The following DENND1A variants were observed in gnomAD, a reference collection of about 807,000 sequenced individuals.
DENND1A encodes the protein DENN domain-containing protein 1A.
In DENND1A, 51 loss-of-function variants were observed where a neutral mutation model predicts 113.7. That is an observed-to-expected ratio of 0.45 (90% CI 0.36 to 0.57). DENND1A has a LOEUF of 0.57. Ranked by LOEUF, DENND1A falls within the 20% of genes least tolerant of loss-of-function variation. The probability of loss-of-function intolerance (pLI) is 0.00; values close to 1 mark genes in which losing one functional copy is unlikely to be tolerated. For synonymous variants in DENND1A, 565 were observed against 570.8 expected (o/e 0.99, Z 0.14); for missense variants, 1,258 against 1,395.9 (o/e 0.90, Z 1.57).
chr9:123,470,253 T>C (rs905656644), intron 13 of DENND1A, among the ~76,000 whole-genome samples: 3 of 152,100 alleles, frequency 2.0e-5, no homozygotes, highest in Non-Finnish European at 4.4e-5. Flanking sequence ...AGTGAGACGG[T>C]GACGACCCCT....
At chr9:123,407,903 G>A (rs1307616205) in intron 20 of DENND1A, among the ~76,000 whole-genome samples, 1 of 152,216 alleles carries the variant, frequency 6.6e-6, no homozygotes, top group Non-Finnish European at 1.5e-5. Context: ...TTCACACGCA[G>A]GCCGACGGCA....
intron 5 of DENND1A, among the ~76,000 whole-genome samples, chr9:123,722,423 C>T (rs765742890): frequency 2.0e-5 from 3 of 152,168 alleles, no homozygotes; most frequent in Admixed American, 1.3e-4. Context: ...TTTGCATAAA[C>T]GAGGAGCTGA....
chr9:123,612,428 C>G (rs1357598634), intron 10 of DENND1A, among the ~76,000 whole-genome samples: 2 of 152,158 alleles, frequency 1.3e-5, no homozygotes, highest in African/African-American at 4.8e-5. Context: ...AAACACCTAC[C>G]CATGATTATA....
chr9:123,497,850 A>G (rs2052083192), intron 13 of DENND1A, among the ~76,000 whole-genome samples: 1 of 150,362 alleles, frequency 6.7e-6, no homozygotes, highest in Non-Finnish European at 1.5e-5. Flanking sequence ...CTATCATTCT[A>G]CTCCTCAAGT....
intron 1 of DENND1A, among the ~76,000 whole-genome samples, chr9:123,913,795 C>T (rs1310436140): frequency 1.3e-5 from 2 of 151,244 alleles, no homozygotes; most frequent in Non-Finnish European, 2.9e-5. Context: ...ATCCCAGCTA[C>T]TCGGGAGGCT....
chr9:123,509,431 G>T (rs1383414291), intron 13 of DENND1A, among the ~76,000 whole-genome samples: 1 of 152,180 alleles, frequency 6.6e-6, no homozygotes, highest in Admixed American at 6.5e-5. Flanking sequence ...AGAAATACTG[G>T]GAAGGGCTGC....
chr9:123,634,000 T>C (rs897834372), intron 9 of DENND1A, among the ~76,000 whole-genome samples: 1 of 152,250 alleles, frequency 6.6e-6, no homozygotes, highest in African/African-American at 2.4e-5. Context: ...TGAATTAATT[T>C]GTGATTCTCT....
intron 13 of DENND1A, among the ~76,000 whole-genome samples, chr9:123,531,181 T>A (rs536105923): frequency 6.6e-6 from 1 of 152,174 alleles, no homozygotes; most frequent in Non-Finnish European, 1.5e-5. Flanking sequence ...TTCTTTCCCA[T>A]TTTGTAGCCG....
Position 123,667,038 on chromosome 9 carries a change from GCTGGGAAGTTCT to G in DENND1A, c.483_494del (p.Arg161_Pro164del). 1 of 1,596,430 alleles carries G rather than the reference GCTGGGAAGTTCT, an allele frequency of 6.3e-7. No individual in the cohort carries two copies. ...CCCAAGTACTTACATTCTCAGGTAT[GCTGGGAAGTTCT>G]CTGGTATCAGGCACAGTAAAATAAG... is the stretch of plus-strand genomic sequence containing the variant. On this transcript the variant is annotated inframe_deletion, in exon 8 of 24. Coordinates refer to ENST00000394215, the MANE Select transcript of DENND1A (RefSeq NM_001352964.2).
chr9:123,540,829 G>A (rs80044423), intron 13 of DENND1A, among the ~76,000 whole-genome samples: 2,672 of 152,290 alleles, frequency 0.018, 30 homozygotes, highest in Non-Finnish European at 0.027. Flanking sequence ...CAAGATGCTA[G>A]AGGAGTTCAT....
chr9:123,610,107 A>G (rs2060346044), intron 10 of DENND1A, among the ~76,000 whole-genome samples: 1 of 152,162 alleles, frequency 6.6e-6, no homozygotes, highest in South Asian at 2.1e-4. Context: ...TGCTTCATTC[A>G]CGGAGCCACG....
chr9:123,568,183 C>T (rs141643686), intron 12 of DENND1A, among the ~76,000 whole-genome samples: 1 of 152,284 alleles, frequency 6.6e-6, no homozygotes, highest in East Asian at 1.9e-4. Flanking sequence ...CATGAGGGGA[C>T]CACACTTTAC....
chr9:123,924,175 T>C (rs1028247152), intron 1 of DENND1A, among the ~76,000 whole-genome samples: 1 of 152,324 alleles, frequency 6.6e-6, no homozygotes, highest in Non-Finnish European at 1.5e-5. Flanking sequence ...ACGGGTTATA[T>C]ATGATTCTAT....
chr9:123,629,969 A>C (rs534789740), intron 10 of DENND1A, among the ~76,000 whole-genome samples: 1 of 152,182 alleles, frequency 6.6e-6, no homozygotes, highest in South Asian at 2.1e-4. Context: ...GTCATGACAT[A>C]TAAGAAAACT....
chr9:123,557,948 C>T (rs945708786), intron 12 of DENND1A, among the ~76,000 whole-genome samples: 2 of 151,608 alleles, frequency 1.3e-5, no homozygotes, highest in African/African-American at 2.4e-5. Flanking sequence ...GCCGAGATTG[C>T]GCCATTGCAC....
chr9:123,893,271 G>T (rs757855548), intron 1 of DENND1A, among the ~76,000 whole-genome samples: 1 of 152,232 alleles, frequency 6.6e-6, no homozygotes, highest in Non-Finnish European at 1.5e-5. Context: ...AACCCAGGCA[G>T]ATTTGGCTCC....
chr9:123,416,067 C>T (rs2044702376), intron 19 of DENND1A, among the ~76,000 whole-genome samples: 1 of 152,184 alleles, frequency 6.6e-6, no homozygotes, highest in Admixed American at 6.5e-5. Flanking sequence ...CTGAAGCCAG[C>T]ACTAGCTGAA....
intron 2 of DENND1A, among the ~76,000 whole-genome samples, chr9:123,839,095 A>G (rs1841460841): frequency 6.6e-6 from 1 of 152,150 alleles, no homozygotes; most frequent in South Asian, 2.1e-4. Context: ...GCTCGAATCG[A>G]CCTTGGGTAC....
chr9:123,659,406 G>A lies in DENND1A; in HGVS notation c.508-7283C>T, dbSNP rs568859452. 3.9e-5 allele frequency among the ~76,000 whole-genome samples: 6 copies of A among 152,226 alleles called. No individual in the cohort carries two copies. The South Asian group carries it at 1.2e-3, about 32-fold the overall frequency. ...ACTTTCAAGGCCCCATGAAATATATGCCCCATAAAAGGAAGAGAATTAATC... is the reference window on the plus strand; with the variant it reads ...ACTTTCAAGGCCCCATGAAATATATACCCCATAAAAGGAAGAGAATTAATC... On this transcript the variant is annotated intron_variant, in intron 8 of 23. Coordinates refer to ENST00000394215, the MANE Select transcript of DENND1A (RefSeq NM_001352964.2).
Sources: allele counts gnomAD v4.1 joint callset (sites outside exome capture counted in the v4.1 genomes callset), GRCh38; gene constraint gnomAD v4.1.1; transcripts MANE v1.5; gene names NCBI Gene and HGNC (gene_info 2026-07-23, HGNC 2026-07-21).